Variants in MTRF1 observed in about 807,000 individuals in gnomAD.
The protein encoded by MTRF1 is mitochondrial translation release factor 1.
Under a neutral mutation model 62.9 loss-of-function variants are expected in MTRF1, and 51 were observed. The observed-to-expected ratio is 0.81, with a 90% CI of 0.65 to 1.02. MTRF1 has a LOEUF of 1.02. MTRF1 is among the 50% of genes least tolerant of loss of function. The probability of loss-of-function intolerance (pLI) is 0.00; values close to 1 mark genes in which losing one functional copy is unlikely to be tolerated. For missense variants in MTRF1, 446 were observed against 530.0 expected (o/e 0.84, Z 1.56); for synonymous variants, 158 against 181.9 (o/e 0.87, Z 1.06).
At chr13:41,261,725 A>T in intron 1 of MTRF1, 1 of 844,092 alleles carries the variant, frequency 1.2e-6, no homozygotes, top group Non-Finnish European at 1.4e-6. Flanking sequence ...GGATGGAGAC[A>T]GAGCTGGTAT....
At chr13:41,282,182 A>G in the MTRF1 span, among the ~76,000 whole-genome samples, 3 of 151,978 alleles carry the variant, frequency 2.0e-5, no homozygotes, top group East Asian at 1.9e-4. Context: ...AGCTCTGGGA[A>G]TAGGCTGACC....
intron 5 of MTRF1, among the ~76,000 whole-genome samples, chr13:41,249,627 T>TC (rs926877999): frequency 9.6e-5 from 10 of 104,676 alleles, no homozygotes; most frequent in African/African-American, 1.7e-4. Flanking sequence ...TTCTTTTTTT[T>TC]TTTTTTTTTT....
the MTRF1 span, among the ~76,000 whole-genome samples, chr13:41,299,257 G>A: frequency 6.6e-6 from 1 of 152,034 alleles, no homozygotes; most frequent in Non-Finnish European, 1.5e-5. Context: ...AATTTTGGTA[G>A]TATTTTTTAA....
the MTRF1 span, among the ~76,000 whole-genome samples, chr13:41,272,080 A>G: frequency 6.6e-6 from 1 of 152,132 alleles, no homozygotes; most frequent in Non-Finnish European, 1.5e-5. Context: ...TCACAGTACA[A>G]AGTAATCTCT....
In MTRF1 at chr13:41,244,239, ACT is replaced by A. The variant is rs60782424; in HGVS notation, c.698-3808_698-3807del. Among the ~76,000 whole-genome samples the A allele has an allele frequency of 8.8e-3, 1,332 of 151,928 alleles. 21 individuals carry two copies. Among genetic ancestry groups the A allele is most frequent in the African/African-American group, 0.031 (1,294 of 41,388 alleles). On this transcript the variant is annotated intron_variant, in intron 5 of 9. Coordinates refer to ENST00000379480, the MANE Select transcript of MTRF1 (RefSeq NM_004294.4). The stretch of plus-strand genomic sequence containing the variant: ...AACTCAACTTTCTTTCTTTCAGTGA[ACT>A]CTCTCTCTGGCACAAAGTGTTGTTA...
chr13:41,257,721 C>T (rs890232395), intron 2 of MTRF1: 1 of 430,508 alleles, frequency 2.3e-6, no homozygotes, highest in Non-Finnish European at 4.8e-6. Flanking sequence ...TTGCTTGAGT[C>T]CAGGAGTTCA....
At chr13:41,307,162 C>T in the MTRF1 span, among the ~76,000 whole-genome samples, 8 of 152,054 alleles carry the variant, frequency 5.3e-5, no homozygotes, top group African/African-American at 9.7e-5. Flanking sequence ...GTGTAGACAA[C>T]CAAGGTGATA....
At chr13:41,298,249 C>T in the MTRF1 span, among the ~76,000 whole-genome samples, 1 of 152,096 alleles carries the variant, frequency 6.6e-6, no homozygotes, top group South Asian at 2.1e-4. Flanking sequence ...GATATTTGAT[C>T]AGCAAAATTA....
chr13:41,308,912 TCCC>T, the MTRF1 span, among the ~76,000 whole-genome samples: 1 of 152,328 alleles, frequency 6.6e-6, no homozygotes, highest in East Asian at 1.9e-4. Flanking sequence ...TGTCTACTGT[TCCC>T]TTATTTGTGT....
intron 2 of MTRF1, among the ~76,000 whole-genome samples, chr13:41,258,230 T>C (rs565647126): frequency 6.6e-5 from 10 of 152,286 alleles, no homozygotes; most frequent in East Asian, 3.9e-4. Context: ...TCCAGGACTT[T>C]ACAGGTATAA....
chr13:41,233,834 A>C, intron 7 of MTRF1, 56 bp downstream of exon 7: 6 of 1,383,216 alleles, frequency 4.3e-6, no homozygotes, highest in Non-Finnish European at 6.2e-6. Context: ...TTTCCTTCCA[A>C]ATGCTGAGTA....
intron 7 of MTRF1, among the ~76,000 whole-genome samples, chr13:41,227,693 A>G (rs1402622443): frequency 6.6e-6 from 1 of 152,242 alleles, no homozygotes; most frequent in Non-Finnish European, 1.5e-5. Flanking sequence ...CAAAAGCCCC[A>G]TTAGCTTAGC....
At chr13:41,311,429 C>A in the MTRF1 span, 1 of 1,166,468 alleles carries the variant, frequency 8.6e-7, no homozygotes, top group Non-Finnish European at 1.2e-6. Flanking sequence ...GCCCGCAGCC[C>A]GACTCTCAGC....
chr13:41,266,816 C>T (rs1325553155), upstream of MTRF1, among the ~76,000 whole-genome samples: 2 of 151,814 alleles, frequency 1.3e-5, no homozygotes, highest in African/African-American at 4.8e-5. Context: ...CACGGTGAAA[C>T]CCCATCTCTT....
intron 6 of MTRF1, among the ~76,000 whole-genome samples, chr13:41,239,857 AGC>A: frequency 6.6e-6 from 1 of 152,258 alleles, no homozygotes; most frequent in South Asian, 2.1e-4. Context: ...TCCAATCTGT[AGC>A]CATGAAAAGA....
chr13:41,297,577 CTT>C, the MTRF1 span, among the ~76,000 whole-genome samples: 1 of 143,656 alleles, frequency 7.0e-6, no homozygotes. Flanking sequence ...CTTTTAATTG[CTT>C]TTTTTTTTTT....
chr13:41,259,347 G>C (rs1426054913), intron 2 of MTRF1, among the ~76,000 whole-genome samples: 2 of 152,180 alleles, frequency 1.3e-5, no homozygotes, highest in African/African-American at 4.8e-5. Context: ...ATCAACTGAT[G>C]AATGGATAAA....
At chr13:41,233,091 T>A (rs548492675) in intron 7 of MTRF1, among the ~76,000 whole-genome samples, 1 of 152,348 alleles carries the variant, frequency 6.6e-6, no homozygotes, top group African/African-American at 2.4e-5. Context: ...AAAATTCTCA[T>A]CTACCACATT....
upstream of MTRF1, among the ~76,000 whole-genome samples, chr13:41,264,603 G>A (rs941718729): frequency 6.6e-6 from 1 of 152,150 alleles, no homozygotes; most frequent in Non-Finnish European, 1.5e-5. Context: ...AATATCTAAC[G>A]TTTATAGCCA....
Sources: allele counts gnomAD v4.1 joint callset (sites outside exome capture counted in the v4.1 genomes callset), GRCh38; gene constraint gnomAD v4.1.1; transcripts MANE v1.5; gene names NCBI Gene and HGNC (gene_info 2026-07-23, HGNC 2026-07-21).